The following CALN1 variants were observed in gnomAD, a reference collection of about 807,000 sequenced individuals.
The protein encoded by CALN1 is calcium-binding protein 8.
Under a neutral mutation model 30.6 loss-of-function variants are expected in CALN1, and 17 were observed. The observed-to-expected ratio is 0.56, with a 90% CI of 0.38 to 0.83. The LOEUF (loss-of-function observed/expected upper bound fraction) is 0.83, where lower values mean the gene tolerates loss of function less well. Among genes scored for constraint, CALN1 ranks in the 40% least tolerant of loss-of-function variants. The pLI, the probability that CALN1 is intolerant of heterozygous loss-of-function variation, is 0.00. For synonymous variants in CALN1, 156 were observed against 131.4 expected (o/e 1.19, Z -1.28); for missense variants, 291 against 354.9 (o/e 0.82, Z 1.45).
intron 2 of CALN1, among the ~76,000 whole-genome samples, chr7:72,310,256 T>C (rs117009211): frequency 9.2e-5 from 14 of 151,732 alleles, no homozygotes; most frequent in Non-Finnish European, 1.9e-4. Flanking sequence ...AGTTTTGCCA[T>C]GGATCAAATG....
chr7:72,316,633 T>C (rs2129556863), intron 2 of CALN1, among the ~76,000 whole-genome samples: 1 of 152,066 alleles, frequency 6.6e-6, no homozygotes, highest in African/African-American at 2.4e-5. Context: ...CTTTTACTTA[T>C]GCACTTAAAA....
At chr7:72,358,388 G>A (rs1403272697) in intron 2 of CALN1, among the ~76,000 whole-genome samples, 1 of 151,592 alleles carries the variant, frequency 6.6e-6, no homozygotes, top group Non-Finnish European at 1.5e-5. Flanking sequence ...ATTAGTAAAT[G>A]GAGAAAGGAA....
At chr7:72,128,950 A>G (rs1808954757) in intron 3 of CALN1, among the ~76,000 whole-genome samples, 1 of 152,210 alleles carries the variant, frequency 6.6e-6, no homozygotes, top group African/African-American at 2.4e-5. Context: ...CAAAGTAAAC[A>G]TGTTTGTAAT....
At chr7:72,501,839 G>A in the CALN1 span, among the ~76,000 whole-genome samples, 1 of 145,066 alleles carries the variant, frequency 6.9e-6, no homozygotes, top group Admixed American at 7.0e-5. Context: ...AAACCAGGAG[G>A]TGGAAGTTGC....
intron 5 of CALN1, among the ~76,000 whole-genome samples, chr7:71,942,844 CAA>C (rs1489579265): frequency 6.6e-6 from 1 of 152,264 alleles, no homozygotes; most frequent in East Asian, 1.9e-4. Context: ...CCATTCTATT[CAA>C]AGTCACCCCT....
At chr7:72,188,431 C>G (rs1206126404) in intron 3 of CALN1, among the ~76,000 whole-genome samples, 2 of 152,012 alleles carry the variant, frequency 1.3e-5, no homozygotes, top group Non-Finnish European at 2.9e-5. Context: ...GACTACTAGT[C>G]TAAGTGAAGT....
chr7:72,295,976 TTCAG>T (rs1798826119), intron 2 of CALN1, among the ~76,000 whole-genome samples: 1 of 151,950 alleles, frequency 6.6e-6, no homozygotes, highest in Non-Finnish European at 1.5e-5. Flanking sequence ...TTTTTGCCCA[TTCAG>T]TATGATATTG....
intron 2 of CALN1, among the ~76,000 whole-genome samples, chr7:72,291,591 T>C (rs1469576967): frequency 3.3e-5 from 5 of 152,228 alleles, no homozygotes; most frequent in Non-Finnish European, 2.9e-5. Context: ...GTAGCCTTTC[T>C]CTTTTGTAGC....
chr7:72,160,742 G>A (rs578214407), intron 3 of CALN1, among the ~76,000 whole-genome samples: 6 of 152,144 alleles, frequency 3.9e-5, no homozygotes, highest in Non-Finnish European at 1.5e-5. Flanking sequence ...GCTTATCTTA[G>A]AATCTCAGCT....
chr7:72,283,876 C>T (rs886362543), intron 2 of CALN1, among the ~76,000 whole-genome samples: 1 of 142,380 alleles, frequency 7.0e-6, no homozygotes, highest in African/African-American at 2.9e-5. Flanking sequence ...GAGTCCACTT[C>T]CTGGGTGCCA....
intron 3 of CALN1, among the ~76,000 whole-genome samples, chr7:72,218,416 C>G (rs1007048992): frequency 6.6e-6 from 1 of 151,852 alleles, no homozygotes; most frequent in Non-Finnish European, 1.5e-5. Flanking sequence ...CCACTGCACT[C>G]CAGCCTGGGC....
chr7:71,908,991 G>A (rs1029457088), intron 5 of CALN1, among the ~76,000 whole-genome samples: 1 of 152,162 alleles, frequency 6.6e-6, no homozygotes, highest in African/African-American at 2.4e-5. Context: ...TAACCTTAAT[G>A]ACTTCTCCGT....
chr7:72,487,173 C>G, the CALN1 span, among the ~76,000 whole-genome samples: 1 of 152,120 alleles, frequency 6.6e-6, no homozygotes, highest in Non-Finnish European at 1.5e-5. Context: ...GCCTCAGCCT[C>G]CTGTCTACTT....
In CALN1 at chr7:71,784,648, G is replaced by C. The variant is rs563234208; in HGVS notation, c.*3127C>G. ...CTTGTGCTTTCCAGGGGGGCGGCGGGGGGTACCTGCTCTTGCAGCAAGAAT... is the reference window on the plus strand; with the variant it reads ...CTTGTGCTTTCCAGGGGGGCGGCGGCGGGTACCTGCTCTTGCAGCAAGAAT... On this transcript the variant is annotated 3_prime_UTR_variant, in exon 7 of 7. Transcript: ENST00000395275. 3 of 395,610 alleles carry C rather than the reference G, an allele frequency of 7.6e-6. No homozygotes were observed. Among genetic ancestry groups the C allele is most frequent in the Non-Finnish European group, 1.3e-5 (3 of 224,842 alleles). The allele number at this position is 395,610 out of a possible 1,614,324, so 24.5% of individuals were successfully genotyped here. A position where few individuals can be genotyped will look rare whatever the true frequency, so the allele number is the denominator to read the frequency against.
chr7:72,411,492 C>G (rs1368279559), intron 1 of CALN1, among the ~76,000 whole-genome samples: 1 of 152,100 alleles, frequency 6.6e-6, no homozygotes, highest in Non-Finnish European at 1.5e-5. Flanking sequence ...ACTGTGAACT[C>G]AATTTATTTT....
intron 5 of CALN1, among the ~76,000 whole-genome samples, chr7:71,837,243 CAAA>C (rs55977265): frequency 1.4e-4 from 11 of 79,124 alleles, no homozygotes; most frequent in East Asian, 1.1e-3. Context: ...AAAAAAAAGA[CAAA>C]AAAAAAAAAA....
intron 5 of CALN1, among the ~76,000 whole-genome samples, chr7:71,814,392 C>T (rs1193099134): frequency 6.6e-6 from 1 of 152,116 alleles, no homozygotes; most frequent in Non-Finnish European, 1.5e-5. Context: ...TCATGAGATT[C>T]TAGAGCTTGA....
intron 2 of CALN1, among the ~76,000 whole-genome samples, chr7:72,382,678 A>G (rs1160404191): frequency 6.6e-6 from 1 of 152,116 alleles, no homozygotes; most frequent in African/African-American, 2.4e-5. Flanking sequence ...CATGTACCCA[A>G]TGTTTAGCTC....
At chr7:72,297,832 T>TC (rs1243896042) in intron 2 of CALN1, among the ~76,000 whole-genome samples, 4 of 152,204 alleles carry the variant, frequency 2.6e-5, no homozygotes, top group Non-Finnish European at 5.9e-5. Context: ...AGTTTCATCT[T>TC]CCCTAACGTC....
Sources: allele counts gnomAD v4.1 joint callset (sites outside exome capture counted in the v4.1 genomes callset), GRCh38; gene constraint gnomAD v4.1.1; transcripts MANE v1.5; gene names NCBI Gene and HGNC (gene_info 2026-07-23, HGNC 2026-07-21).